CCDC181: variants seen among roughly 807,000 people sequenced by gnomAD.
CCDC181 encodes coiled-coil domain-containing protein 181.
In CCDC181, 35 loss-of-function variants were observed where a neutral mutation model predicts 58.7. The observed-to-expected ratio is 0.60, with a 90% CI of 0.46 to 0.79. CCDC181 has a LOEUF of 0.79. Among genes scored for constraint, CCDC181 ranks in the 30% least tolerant of loss-of-function variants. The pLI, the probability that CCDC181 is intolerant of heterozygous loss-of-function variation, is 0.00. For missense variants in CCDC181, 517 were observed against 583.9 expected (o/e 0.89, Z 1.18); for synonymous variants, 183 against 197.5 (o/e 0.93, Z 0.62).
At chr1:169,455,557 TATTTGTTTTTAAAGC>T (rs1657658993) in intron 2 of CCDC181, among the ~76,000 whole-genome samples, 1 of 152,154 alleles carries the variant, frequency 6.6e-6, no homozygotes, top group Non-Finnish European at 1.5e-5. Flanking sequence ...GGAGCAATTC[TATTTGTTTTTAAAGC>T]AAGAACATGG....
In CCDC181 at chr1:169,407,777, G is replaced by T. The variant is rs568017166; in HGVS notation, c.1216-10386C>A. On this transcript the variant is annotated intron_variant, in intron 4 of 5. Coordinates refer to ENST00000367806, the MANE Select transcript of CCDC181 (RefSeq NM_001300969.2). ...TTAGACAGTGGGTGCAACCCACAGA[G>T]GGTGAGCCGAGGCAGGGTGAAGCGT... Among the ~76,000 whole-genome samples, 4 of 152,268 alleles carry T rather than the reference G, an allele frequency of 2.6e-5. No homozygotes were observed. The East Asian group carries it at 7.7e-4, about 29-fold the overall frequency.
intron 1 of CCDC181, among the ~76,000 whole-genome samples, chr1:169,426,738 C>G (rs147040543): frequency 6.6e-6 from 1 of 152,270 alleles, no homozygotes; most frequent in African/African-American, 2.4e-5. Flanking sequence ...AGTACTTAAG[C>G]AAAAACTAAT....
chr1:169,402,162 G>C (rs1380895162), intron 4 of CCDC181, among the ~76,000 whole-genome samples: 1 of 152,190 alleles, frequency 6.6e-6, no homozygotes. Flanking sequence ...TATGTGAAAA[G>C]ACCAAATCTA....
chr1:169,442,253 C>T (rs1657251133), intron 2 of CCDC181, among the ~76,000 whole-genome samples: 1 of 151,900 alleles, frequency 6.6e-6, no homozygotes, highest in Non-Finnish European at 1.5e-5. Context: ...TTATTCAGAA[C>T]ATATGTGCAA....
At chr1:169,430,473 G>T (rs1656886341), upstream of CCDC181, among the ~76,000 whole-genome samples, 1 of 152,056 alleles carries the variant, frequency 6.6e-6, no homozygotes, top group East Asian at 1.9e-4. Context: ...TCTTTCATCA[G>T]TGTTTTTTAG....
At chr1:169,406,122 G>T (rs1655642080) in intron 4 of CCDC181, among the ~76,000 whole-genome samples, 1 of 152,162 alleles carries the variant, frequency 6.6e-6, no homozygotes, top group Admixed American at 6.6e-5. Flanking sequence ...AGTTAGAATG[G>T]CAATCATTAA....
At chr1:169,407,135 A>G (rs910771479) in intron 4 of CCDC181, among the ~76,000 whole-genome samples, 2 of 152,040 alleles carry the variant, frequency 1.3e-5, no homozygotes, top group Non-Finnish European at 2.9e-5. Context: ...GAACATAAAG[A>G]TTCAAGAAGC....
intron 2 of CCDC181, among the ~76,000 whole-genome samples, chr1:169,438,226 AC>A (rs1657109812): frequency 2.0e-5 from 3 of 151,760 alleles, no homozygotes; most frequent in Admixed American, 6.6e-5. Flanking sequence ...TATTAATCAA[AC>A]CCTTGCAGAG....
intron 4 of CCDC181, among the ~76,000 whole-genome samples, chr1:169,415,320 A>G (rs1419391270): frequency 6.6e-6 from 1 of 152,180 alleles, no homozygotes; most frequent in Non-Finnish European, 1.5e-5. Flanking sequence ...TATACCTGTA[A>G]TCACTACAGC....
intron 4 of CCDC181, among the ~76,000 whole-genome samples, chr1:169,402,435 C>G (rs1350581203): frequency 6.6e-6 from 1 of 152,076 alleles, no homozygotes. Context: ...AAAGGGAAGC[C>G]CATCAGACTA....
intron 1 of CCDC181, among the ~76,000 whole-genome samples, chr1:169,427,080 A>G (rs1167753489): frequency 6.6e-6 from 1 of 152,160 alleles, no homozygotes; most frequent in Non-Finnish European, 1.5e-5. Flanking sequence ...TCCTTCATAC[A>G]TAGTGAAGAA....
intron 2 of CCDC181, among the ~76,000 whole-genome samples, chr1:169,448,724 T>C (rs1571517388): frequency 6.6e-6 from 1 of 152,188 alleles, no homozygotes; most frequent in Non-Finnish European, 1.5e-5. Flanking sequence ...TGAAATGTTC[T>C]TGTGCCATTA....
intron 4 of CCDC181, among the ~76,000 whole-genome samples, chr1:169,410,420 T>A (rs909646902): frequency 3.9e-5 from 6 of 152,100 alleles, no homozygotes; most frequent in African/African-American, 1.4e-4. Flanking sequence ...TAAAGAGACT[T>A]AGACACCCAC....
At chr1:169,448,115 G>A (rs1424677183) in intron 2 of CCDC181, among the ~76,000 whole-genome samples, 2 of 152,064 alleles carry the variant, frequency 1.3e-5, no homozygotes, top group South Asian at 2.1e-4. Context: ...TAATAACAGA[G>A]TTGTCCCAGT....
At chr1:169,422,395 GTAATT>G (rs1571494600) in intron 2 of CCDC181, 82 bp from the exon 3 acceptor site, 3 of 1,010,764 alleles carry the variant, frequency 3.0e-6, no homozygotes, top group Admixed American at 5.9e-5. Flanking sequence ...TCCTGTTCAT[GTAATT>G]TATTTTATGA....
chr1:169,457,876 C>T (rs991341451), intron 2 of CCDC181, among the ~76,000 whole-genome samples: 1 of 152,118 alleles, frequency 6.6e-6, no homozygotes, highest in Non-Finnish European at 1.5e-5. Flanking sequence ...CTTTCTTCAT[C>T]TTTCTAGAAA....
intron 2 of CCDC181, among the ~76,000 whole-genome samples, chr1:169,453,155 C>T (rs890921178): frequency 4.0e-5 from 6 of 151,734 alleles, no homozygotes; most frequent in Non-Finnish European, 8.8e-5. Context: ...TAGATTCCTA[C>T]TATATCCAAG....
intron 4 of CCDC181, among the ~76,000 whole-genome samples, chr1:169,409,848 T>A (rs1655865633): frequency 1.3e-5 from 2 of 152,130 alleles, no homozygotes; most frequent in Non-Finnish European, 2.9e-5. Flanking sequence ...AGAGATTTTG[T>A]CACCACCAGG....
chr1:169,442,440 C>G (rs998230771), intron 2 of CCDC181, among the ~76,000 whole-genome samples: 1 of 151,982 alleles, frequency 6.6e-6, no homozygotes, highest in African/African-American at 2.4e-5. Flanking sequence ...GTGAAAATCT[C>G]TCACAGTCCT....
Sources: allele counts gnomAD v4.1 joint callset (sites outside exome capture counted in the v4.1 genomes callset), GRCh38; gene constraint gnomAD v4.1.1; transcripts MANE v1.5; gene names NCBI Gene and HGNC (gene_info 2026-07-23, HGNC 2026-07-21).